Variants in GMDS observed in about 807,000 individuals in gnomAD.
GMDS encodes the protein GDP-mannose 4,6 dehydratase.
In GMDS, 20 loss-of-function variants were observed where a neutral mutation model predicts 49.9. The ratio of observed to expected loss-of-function variants is 0.40; its 90% CI spans 0.28 to 0.58. The LOEUF (loss-of-function observed/expected upper bound fraction) is 0.58. Among genes scored for constraint, GMDS ranks in the 20% least tolerant of loss-of-function variants. GMDS has a pLI of 0.42. For synonymous variants in GMDS, 177 were observed against 178.6 expected (o/e 0.99, Z 0.07); for missense variants, 362 against 481.4 (o/e 0.75, Z 2.32).
chr6:1,996,351 A>C (rs926219567), intron 4 of GMDS, among the ~76,000 whole-genome samples: 1 of 152,124 alleles, frequency 6.6e-6, no homozygotes, highest in Non-Finnish European at 1.5e-5. Context: ...GGGGGTGGCT[A>C]TTCCACTGCT....
Position 1,905,904 on chromosome 6 carries a change from G to A in GMDS, c.771+24199C>T, listed in dbSNP as rs1488684057. Among the ~76,000 whole-genome samples, 5 of 73,078 alleles carry A rather than the reference G, an allele frequency of 6.8e-5. 1 individual carries two copies. The South Asian group carries it at 1.3e-3, about 19-fold the overall frequency. 47.9% of individuals were successfully genotyped at this position (73,078 alleles called of 152,430 possible). A position where few individuals can be genotyped will look rare whatever the true frequency, so the allele number is the denominator to read the frequency against. ...GACAATAACCCCATAGGCCATCTGG[G>A]AACACGTATGCAGGTGTCCCTGAGA... is the stretch of plus-strand genomic sequence containing the variant. On this transcript the variant is annotated intron_variant, in intron 7 of 10. Transcript: ENST00000380815.
chr6:2,168,559 G>A (rs576733183), intron 1 of GMDS, among the ~76,000 whole-genome samples: 10 of 152,300 alleles, frequency 6.6e-5, no homozygotes, highest in African/African-American at 1.9e-4. Context: ...ATACACTGTA[G>A]AAAAGACCCT....
At chr6:2,110,763 TGAAAAG>T (rs1246668065) in intron 4 of GMDS, among the ~76,000 whole-genome samples, 2 of 152,046 alleles carry the variant, frequency 1.3e-5, no homozygotes, top group African/African-American at 2.4e-5. Context: ...CACAGAGACT[TGAAAAG>T]GAAAGTAATA....
intron 7 of GMDS, among the ~76,000 whole-genome samples, chr6:1,813,623 G>C (rs1770537418): frequency 6.6e-6 from 1 of 152,112 alleles, no homozygotes; most frequent in Non-Finnish European, 1.5e-5. Context: ...GAGCTCCAGA[G>C]GTTTAAATAA....
intron 7 of GMDS, among the ~76,000 whole-genome samples, chr6:1,764,107 T>C (rs1581154446): frequency 6.6e-6 from 1 of 151,884 alleles, no homozygotes; most frequent in Non-Finnish European, 1.5e-5. Context: ...AAAAAAAAGC[T>C]GTTTGTTTGA....
At chr6:1,628,424 TC>T (rs1338471109) in intron 9 of GMDS, among the ~76,000 whole-genome samples, 1 of 152,242 alleles carries the variant, frequency 6.6e-6, no homozygotes, top group Non-Finnish European at 1.5e-5. Flanking sequence ...CCTGGGATCC[TC>T]CCACCTCCAT....
intron 7 of GMDS, among the ~76,000 whole-genome samples, chr6:1,865,668 A>T (rs1758407865): frequency 1.3e-5 from 2 of 152,196 alleles, no homozygotes; most frequent in Non-Finnish European, 2.9e-5. Context: ...AGAGAAGCAA[A>T]AATAACGCTG....
intron 1 of GMDS, among the ~76,000 whole-genome samples, chr6:2,185,546 C>CAGTT: frequency 6.6e-6 from 1 of 152,284 alleles, no homozygotes; most frequent in Middle Eastern, 3.4e-3. Flanking sequence ...ACAATAAATA[C>CAGTT]AGTTACAGCC....
chr6:1,713,399 G>T (rs1042877248), intron 9 of GMDS, among the ~76,000 whole-genome samples: 1 of 152,178 alleles, frequency 6.6e-6, no homozygotes, highest in African/African-American at 2.4e-5. Context: ...ACCCACCACC[G>T]GCCCACGCCG....
chr6:1,791,321 A>G (rs1416225384), intron 7 of GMDS, among the ~76,000 whole-genome samples: 2 of 152,194 alleles, frequency 1.3e-5, no homozygotes, highest in Non-Finnish European at 1.5e-5. Context: ...CCTGGAGGCT[A>G]TACTTCTGAG....
At chr6:1,686,766 T>C (rs568003025) in intron 9 of GMDS, among the ~76,000 whole-genome samples, 3 of 152,298 alleles carry the variant, frequency 2.0e-5, no homozygotes, top group South Asian at 4.1e-4. Context: ...GAAATTGAGC[T>C]GCCCAGGTTG....
intron 1 of GMDS, among the ~76,000 whole-genome samples, chr6:2,242,464 T>C (rs770102624): frequency 1.2e-4 from 19 of 152,214 alleles, no homozygotes; most frequent in South Asian, 4.1e-4. Context: ...CAATACGTAC[T>C]AGAGATACAC....
chr6:1,971,616 C>A (rs943367333), intron 4 of GMDS, among the ~76,000 whole-genome samples: 7 of 152,276 alleles, frequency 4.6e-5, no homozygotes, highest in African/African-American at 1.7e-4. Flanking sequence ...GACAAGGTAA[C>A]AATCCCCAAA....
At chr6:2,159,297 C>T (rs891350729) in intron 1 of GMDS, among the ~76,000 whole-genome samples, 1 of 152,144 alleles carries the variant, frequency 6.6e-6, no homozygotes, top group Non-Finnish European at 1.5e-5. Context: ...AATTTAACTG[C>T]TAATTGCCTA....
chr6:2,242,240 C>G (rs1218640477), intron 1 of GMDS, among the ~76,000 whole-genome samples: 2 of 152,126 alleles, frequency 1.3e-5, no homozygotes, highest in Non-Finnish European at 2.9e-5. Flanking sequence ...CAACAGTATT[C>G]AAAAAACAGC....
At position 2,125,249 on chromosome 6, in the gene GMDS, G is replaced by C. The variant is rs529715752; in HGVS notation, c.103-518C>G. Reference sequence around the variant, plus strand: ...ATCCAAGAGTTGGAGAATAGCCTGAGCAACACAGTGAGACCTTAGCACTGT... The same window carrying C: ...ATCCAAGAGTTGGAGAATAGCCTGACCAACACAGTGAGACCTTAGCACTGT... On this transcript the variant is annotated intron_variant, in intron 1 of 10. Transcript: ENST00000380815. 3.6e-4 allele frequency among the ~76,000 whole-genome samples: 55 copies of C among 151,508 alleles called. 1 individual carries two copies. Among genetic ancestry groups the C allele is most frequent in the African/African-American group, 1.3e-3 (55 of 40,814 alleles).
intron 1 of GMDS, among the ~76,000 whole-genome samples, chr6:2,173,590 T>C (rs1393645204): frequency 6.6e-6 from 1 of 152,176 alleles, no homozygotes; most frequent in Non-Finnish European, 1.5e-5. Context: ...TAAATTGAAG[T>C]TATACAGAGA....
At chr6:1,951,263 C>T (rs895310389) in intron 6 of GMDS, among the ~76,000 whole-genome samples, 7 of 152,102 alleles carry the variant, frequency 4.6e-5, no homozygotes, top group African/African-American at 7.2e-5. Flanking sequence ...TACAGTCAGA[C>T]ATTTTATAAA....
intron 7 of GMDS, among the ~76,000 whole-genome samples, chr6:1,846,822 C>T (rs3800094): frequency 0.017 from 2,623 of 152,284 alleles, 117 homozygotes; most frequent in East Asian, 0.17. Context: ...ACACTTAGAA[C>T]ATTTATGTAC....
Sources: gnomAD v4.1 joint callset for allele counts (sites outside exome capture counted in the v4.1 genomes callset) on GRCh38, gnomAD v4.1.1 for gene constraint, MANE v1.5 for transcripts, NCBI Gene and HGNC (gene_info 2026-07-23, HGNC 2026-07-21) for gene names.